Variants in MID2 observed in about 807,000 individuals in gnomAD.
The protein encoded by MID2 is probable E3 ubiquitin-protein ligase MID2.
Under a neutral mutation model 46.1 loss-of-function variants are expected in MID2, and 13 were observed. That is an observed-to-expected ratio of 0.28 (90% CI 0.18 to 0.45). MID2 has a LOEUF of 0.45. Ranked by LOEUF, MID2 falls within the 20% of genes least tolerant of loss-of-function variation. MID2 has a pLI of 1.00. For missense variants in MID2, 431 were observed against 575.4 expected (o/e 0.75, Z 2.57); for synonymous variants, 199 against 212.3 (o/e 0.94, Z 0.55).
rs759047466 is a variant in MID2 at position 107,826,438 on chromosome X, G to A, written c.4+8G>A. On this transcript the variant is annotated splice_region_variant and intron_variant, in intron 1 of 9. Transcript: ENST00000262843. ...CACCTGGGAACGCTATGGGTAAAAC[G>A]CGCCCCCTCGCCGCGGCCCTGGAGG... is the stretch of plus-strand genomic sequence containing the variant. The A allele has an allele frequency of 5.7e-5, 65 of 1,133,764 alleles. No homozygotes were observed. In the African/African-American group the frequency reaches 1.2e-3, roughly 20 times the overall value. 93.4% of individuals were successfully genotyped at this position (1,133,764 alleles called of 1,213,427 possible).
In MID2 at chrX:107,910,793, C is replaced by CT. The variant is rs1287106746; in HGVS notation, c.1073+5170dup. Among the ~76,000 whole-genome samples the CT allele has an allele frequency of 5.6e-4, 8 of 14,378 alleles. No homozygotes were observed. The African/African-American group carries it at 7.5e-3, about 14-fold the overall frequency. 12.5% of individuals were successfully genotyped at this position (14,378 alleles called of 115,157 possible). A position where few individuals can be genotyped will look rare whatever the true frequency, so the allele number is the denominator to read the frequency against. Reference sequence around the variant, plus strand: ...TTTTCCTTTCCTTTCCTTTCCTTTCCTTTCCTTTCCTTTCCTTTCCTTTCC... The same window carrying CT: ...TTTTCCTTTCCTTTCCTTTCCTTTCCTTTTCCTTTCCTTTCCTTTCCTTTCC... On this transcript the variant is annotated intron_variant, in intron 5 of 9. Transcript: ENST00000262843.
intron 3 of MID2, among the ~76,000 whole-genome samples, chrX:107,879,150 A>C (rs1019353882): frequency 9.9e-5 from 11 of 111,440 alleles, no homozygotes; most frequent in African/African-American, 3.6e-4. Flanking sequence ...AGAGTGTTAC[A>C]ATCAGTGCTC....
intron 2 of MID2, among the ~76,000 whole-genome samples, chrX:107,848,926 C>A (rs767167437): frequency 8.9e-6 from 1 of 112,148 alleles, no homozygotes; most frequent in South Asian, 3.7e-4. Context: ...GGTGCATAGA[C>A]AGGATGTCAA....
intron 5 of MID2, among the ~76,000 whole-genome samples, chrX:107,915,482 G>A (rs771168323): frequency 1.8e-5 from 2 of 109,730 alleles, no homozygotes; most frequent in South Asian, 4.0e-4. Flanking sequence ...GAAGGGGGTC[G>A]GAGAGGCAGA....
chrX:107,844,055 G>C (rs1931406201), intron 2 of MID2, among the ~76,000 whole-genome samples: 1 of 110,855 alleles, frequency 9.0e-6, no homozygotes, highest in African/African-American at 3.3e-5. Context: ...TTTACTTTTT[G>C]GTTCTGGAAC....
intron 6 of MID2, among the ~76,000 whole-genome samples, chrX:107,916,906 C>T (rs1932979219): frequency 8.9e-6 from 1 of 112,391 alleles, no homozygotes; most frequent in African/African-American, 3.2e-5. Flanking sequence ...CTTGGGAGGC[C>T]GAGGTGGGTG....
intron 1 of MID2, among the ~76,000 whole-genome samples, chrX:107,836,654 A>G (rs1931213756): frequency 2.7e-5 from 3 of 110,691 alleles, no homozygotes; most frequent in African/African-American, 3.3e-5. Context: ...AGGTGCTTAG[A>G]TAACCAGAAA....
intron 3 of MID2, among the ~76,000 whole-genome samples, chrX:107,871,527 T>C (rs111325830): frequency 0.054 from 6,018 of 111,664 alleles, 419 homozygotes; most frequent in African/African-American, 0.19. Flanking sequence ...AACAGCTCAG[T>C]GGAGGGTCAG....
At chrX:107,889,146 A>T (rs1327028870) in intron 3 of MID2, among the ~76,000 whole-genome samples, 1 of 111,089 alleles carries the variant, frequency 9.0e-6, no homozygotes, top group African/African-American at 3.3e-5. Flanking sequence ...GTTATGTGTG[A>T]ATTTGATCCT....
intron 2 of MID2, among the ~76,000 whole-genome samples, chrX:107,844,468 T>G (rs2300108): frequency 0.044 from 4,924 of 111,769 alleles, 120 homozygotes; most frequent in Middle Eastern, 0.19. Context: ...AATATATATC[T>G]TAGTTCATGA....
chrX:107,910,029 T>A (rs1349930906), intron 5 of MID2, among the ~76,000 whole-genome samples: 1 of 112,069 alleles, frequency 8.9e-6, no homozygotes, highest in Non-Finnish European at 1.9e-5. Flanking sequence ...GATTTACTCT[T>A]TTAGCTATTT....
rs192297734 is a variant in MID2 at position 107,891,722 on chromosome X, T to C, written c.817-12236T>C. Among the ~76,000 whole-genome samples the C allele has an allele frequency of 1.3e-3, 142 of 112,230 alleles. 1 individual carries two copies. Among genetic ancestry groups the C allele is most frequent in the African/African-American group, 3.8e-3 (118 of 30,905 alleles). On this transcript the variant is annotated intron_variant, in intron 3 of 9. Coordinates refer to ENST00000262843, the MANE Select transcript of MID2 (RefSeq NM_012216.4). ...GCCCAGTCACAGAGTTCAGCGTTGGTTATTATTCTGAGGCTTCCCTTCCCT... is the reference window on the plus strand; with the variant it reads ...GCCCAGTCACAGAGTTCAGCGTTGGCTATTATTCTGAGGCTTCCCTTCCCT...
chrX:107,859,518 G>T (rs1215572287), intron 3 of MID2, among the ~76,000 whole-genome samples: 1 of 112,183 alleles, frequency 8.9e-6, no homozygotes, highest in Non-Finnish European at 1.9e-5. Flanking sequence ...TAAGCACTGG[G>T]TGTATACAGA....
intron 4 of MID2, among the ~76,000 whole-genome samples, 197 bp from the exon 5 acceptor site, chrX:107,905,281 A>G (rs1932826385): frequency 2.7e-5 from 3 of 111,042 alleles, no homozygotes; most frequent in African/African-American, 9.8e-5. Flanking sequence ...CAAGCAGTAG[A>G]TAAGAGAAGG....
intron 3 of MID2, among the ~76,000 whole-genome samples, chrX:107,897,818 T>C (rs764625653): frequency 8.9e-6 from 1 of 112,106 alleles, no homozygotes; most frequent in Non-Finnish European, 1.9e-5. Context: ...TTCATAAACA[T>C]TGTGTTTTCT....
At chrX:107,875,963 C>A (rs1478744241) in intron 3 of MID2, among the ~76,000 whole-genome samples, 1 of 111,632 alleles carries the variant, frequency 9.0e-6, no homozygotes, top group African/African-American at 3.3e-5. Context: ...ACCCATCAGT[C>A]CTGCTGAACC....
intron 3 of MID2, among the ~76,000 whole-genome samples, chrX:107,877,367 G>A (rs1932222734): frequency 8.9e-6 from 1 of 111,972 alleles, no homozygotes; most frequent in Admixed American, 9.4e-5. Context: ...CAGTGATTCA[G>A]GATACCCTCC....
intron 3 of MID2, chrX:107,895,367 T>C (rs924353219): frequency 9.0e-6 from 1 of 111,601 alleles, no homozygotes; most frequent in African/African-American, 3.3e-5. Flanking sequence ...ACCACTGATA[T>C]GTTCATCATT....
At chrX:107,856,965 A>G (rs940818696) in intron 3 of MID2, among the ~76,000 whole-genome samples, 1 of 112,251 alleles carries the variant, frequency 8.9e-6, no homozygotes, top group African/African-American at 3.2e-5. Context: ...CTGGCATTGT[A>G]CCAGGTATAA....
Sources: allele counts gnomAD v4.1 joint callset (sites outside exome capture counted in the v4.1 genomes callset), GRCh38; gene constraint gnomAD v4.1.1; transcripts MANE v1.5; gene names NCBI Gene and HGNC (gene_info 2026-07-23, HGNC 2026-07-21).